The following IL1RAPL2 variants were observed in gnomAD, a reference collection of about 807,000 sequenced individuals.
IL1RAPL2 encodes the protein X-linked interleukin-1 receptor accessory protein-like 2.
IL1RAPL2 carries 3 observed loss-of-function variants against 44.1 expected under a neutral mutation model. The observed-to-expected ratio is 0.07, with a 90% CI of 0.03 to 0.18. IL1RAPL2 has a LOEUF of 0.18. Ranked by LOEUF, IL1RAPL2 falls within the 10% of genes least tolerant of loss-of-function variation. The pLI, the probability that IL1RAPL2 is intolerant of heterozygous loss-of-function variation, is 1.00. For missense variants in IL1RAPL2, 391 were observed against 496.4 expected (o/e 0.79, Z 2.02); for synonymous variants, 181 against 178.8 (o/e 1.01, Z -0.10).
At chrX:105,459,420 T>C (rs1227233112) in intron 5 of IL1RAPL2, among the ~76,000 whole-genome samples, 1 of 111,947 alleles carries the variant, frequency 8.9e-6, no homozygotes, top group Admixed American at 9.5e-5. Context: ...TGAATATTTA[T>C]TTCAAAGAAA....
In IL1RAPL2 at chrX:105,134,636, C is replaced by A. The variant is rs184706470; in HGVS notation, c.83-60839C>A. 5.1e-3 allele frequency among the ~76,000 whole-genome samples: 561 copies of A among 110,961 alleles called. 7 individuals carry two copies. The highest frequency in any genetic ancestry group is 0.017 in the African/African-American group (533 of 30,596). On this transcript the variant is annotated intron_variant, in intron 2 of 10. Transcript: ENST00000372582. ...TGAGGGTGAGGAGAGACTTTATGAA[C>A]AATAAAAAGTAGATGATTATGGAGG...
intron 6 of IL1RAPL2, among the ~76,000 whole-genome samples, chrX:105,616,804 C>A (rs564712501): frequency 2.4e-4 from 27 of 110,226 alleles, no homozygotes; most frequent in African/African-American, 7.9e-4. Flanking sequence ...TATCAATTTT[C>A]TTTTTATGAT....
At chrX:105,590,310 A>G (rs902717922) in intron 6 of IL1RAPL2, among the ~76,000 whole-genome samples, 1 of 111,209 alleles carries the variant, frequency 9.0e-6, no homozygotes, top group Non-Finnish European at 1.9e-5. Flanking sequence ...GTATAAAATC[A>G]TATTATCTGC....
chrX:104,764,437 G>A (rs1376156871), intron 2 of IL1RAPL2, among the ~76,000 whole-genome samples: 1 of 111,918 alleles, frequency 8.9e-6, no homozygotes, highest in Non-Finnish European at 1.9e-5. Context: ...TTGTTTATAA[G>A]TTCTAATAAT....
chrX:105,371,824 A>G lies in IL1RAPL2; in HGVS notation c.697+104283A>G, dbSNP rs189298334. 2.3e-3 allele frequency among the ~76,000 whole-genome samples: 259 copies of G among 111,951 alleles called. 4 individuals are homozygous for G. The highest frequency in any genetic ancestry group is 0.022 in the Admixed American group (228 of 10,548). On this transcript the variant is annotated intron_variant, in intron 5 of 10. Coordinates refer to ENST00000372582, the MANE Select transcript of IL1RAPL2 (RefSeq NM_017416.2). The stretch of plus-strand genomic sequence containing the variant: ...AATATGCCATTATAATTTTTGGTGC[A>G]ATAAACCAGTGATGAAGATTCAAGT...
At chrX:104,919,680 T>C (rs1924573845) in intron 2 of IL1RAPL2, among the ~76,000 whole-genome samples, 1 of 92,316 alleles carries the variant, frequency 1.1e-5, no homozygotes, top group Admixed American at 1.3e-4. Context: ...CACAGACATC[T>C]GCAACCACAC....
At chrX:105,674,672 T>A (rs1346515593) in intron 6 of IL1RAPL2, among the ~76,000 whole-genome samples, 1 of 111,171 alleles carries the variant, frequency 9.0e-6, no homozygotes, top group African/African-American at 3.3e-5. Flanking sequence ...CATAAAAAAA[T>A]TAGTTTTTTT....
chrX:105,316,908 AT>A (rs145680042), intron 5 of IL1RAPL2, among the ~76,000 whole-genome samples: 247 of 105,424 alleles, frequency 2.3e-3, no homozygotes, highest in African/African-American at 6.4e-3. Context: ...GTCTCCAGTA[AT>A]TTTTTTTTTT....
intron 2 of IL1RAPL2, among the ~76,000 whole-genome samples, chrX:104,930,272 G>T (rs1924865251): frequency 8.9e-6 from 1 of 111,987 alleles, no homozygotes; most frequent in African/African-American, 3.2e-5. Flanking sequence ...TAATTTTATG[G>T]AATTAATTTA....
chrX:104,910,522 C>A (rs1477370026), intron 2 of IL1RAPL2, among the ~76,000 whole-genome samples: 1 of 111,666 alleles, frequency 9.0e-6, no homozygotes, highest in African/African-American at 3.3e-5. Context: ...TCCCCTAGCC[C>A]CCTGTCCCCT....
chrX:104,945,400 C>T (rs966885925), intron 2 of IL1RAPL2, among the ~76,000 whole-genome samples: 2 of 111,108 alleles, frequency 1.8e-5, no homozygotes, highest in Non-Finnish European at 3.8e-5. Flanking sequence ...TATTATCCTA[C>T]TGAGCCCTAC....
chrX:104,917,901 C>G (rs1471644241), intron 2 of IL1RAPL2, among the ~76,000 whole-genome samples: 2 of 111,708 alleles, frequency 1.8e-5, no homozygotes. Flanking sequence ...AGACATGGCT[C>G]TTTGGAAAGT....
intron 2 of IL1RAPL2, among the ~76,000 whole-genome samples, chrX:104,750,790 G>T (rs1932244205): frequency 9.0e-6 from 1 of 111,013 alleles, no homozygotes; most frequent in Admixed American, 9.6e-5. Context: ...TGCTATTGTT[G>T]TGGTATTGGT....
intron 5 of IL1RAPL2, among the ~76,000 whole-genome samples, chrX:105,339,753 A>C (rs1417920588): frequency 9.0e-6 from 1 of 111,496 alleles, no homozygotes; most frequent in Non-Finnish European, 1.9e-5. Flanking sequence ...ATCAGATGTA[A>C]TCAGGGTAGA....
At chrX:104,619,487 G>A (rs138166583) in intron 1 of IL1RAPL2, among the ~76,000 whole-genome samples, 7,189 of 111,715 alleles carry the variant, frequency 0.064, 228 homozygotes, top group Non-Finnish European at 0.099. Flanking sequence ...ATAGCTAAAT[G>A]CTGTCACGGG....
chrX:105,274,383 A>G lies in IL1RAPL2; in HGVS notation c.697+6842A>G, dbSNP rs1229804291. Among the ~76,000 whole-genome samples the G allele has an allele frequency of 2.7e-5, 3 of 112,491 alleles. No individual in the cohort carries two copies. In the East Asian group the frequency reaches 8.4e-4, roughly 31 times the overall value. ...ACTGAATTTTGTGTTTTGATGCCAT[A>G]TGGCCCTACTAGTATGATAATTTAT... On this transcript the variant is annotated intron_variant, in intron 5 of 10. Transcript: ENST00000372582.
intron 7 of IL1RAPL2, among the ~76,000 whole-genome samples, chrX:105,737,854 G>C (rs867944777): frequency 1.8e-5 from 2 of 111,752 alleles, no homozygotes; most frequent in African/African-American, 6.5e-5. Context: ...TTTTGTCTTG[G>C]TTAGGTACAT....
intron 2 of IL1RAPL2, among the ~76,000 whole-genome samples, chrX:105,032,101 T>C (rs187069897): frequency 9.0e-6 from 1 of 111,712 alleles, no homozygotes; most frequent in Admixed American, 9.5e-5. Context: ...ATTGCATCTG[T>C]TTGATTCTTC....
intron 2 of IL1RAPL2, among the ~76,000 whole-genome samples, chrX:105,040,368 T>G (rs1239326403): frequency 2.7e-5 from 3 of 111,456 alleles, no homozygotes; most frequent in Non-Finnish European, 3.8e-5. Context: ...TCTGCCAGGC[T>G]TTGGTATGAG....
Sources: allele counts gnomAD v4.1 joint callset (sites outside exome capture counted in the v4.1 genomes callset), GRCh38; gene constraint gnomAD v4.1.1; transcripts MANE v1.5; gene names NCBI Gene and HGNC (gene_info 2026-07-23, HGNC 2026-07-21).